SCOC: variants seen among roughly 807,000 people sequenced by gnomAD.
The protein encoded by SCOC is short coiled-coil protein.
SCOC carries 7 observed loss-of-function variants against 9.9 expected under a neutral mutation model. The ratio of observed to expected loss-of-function variants is 0.71; its 90% CI spans 0.40 to 1.33. SCOC has a LOEUF of 1.33. SCOC is among the 40% of genes most tolerant of loss of function. SCOC has a pLI of 0.01. For missense variants in SCOC, 66 were observed against 89.7 expected (o/e 0.74, Z 1.07); for synonymous variants, 19 against 28.2 (o/e 0.67, Z 1.03).
chr4:140,366,712 A>G, intron 2 of SCOC: 2 of 1,586,932 alleles, frequency 1.3e-6, no homozygotes, highest in African/African-American at 1.3e-5. Context: ...CTTGAAAGGC[A>G]TGGTCTGTCT....
chr4:140,311,350 C>G (rs989741400), intron 1 of SCOC, among the ~76,000 whole-genome samples: 10 of 152,278 alleles, frequency 6.6e-5, no homozygotes, highest in Admixed American at 1.3e-4. Context: ...TAATATTCAA[C>G]TACCAATGCT....
chr4:140,351,121 T>C (rs911783934), intron 2 of SCOC, among the ~76,000 whole-genome samples: 1 of 146,004 alleles, frequency 6.8e-6, no homozygotes, highest in African/African-American at 2.6e-5. Context: ...ACCCGGGAGG[T>C]AGAGGTTGCA....
At chr4:140,355,549 T>C (rs916298229) in intron 2 of SCOC, among the ~76,000 whole-genome samples, 4 of 152,106 alleles carry the variant, frequency 2.6e-5, no homozygotes, top group South Asian at 4.1e-4. Flanking sequence ...TTGAAATTAG[T>C]AGATAGATAG....
intron 1 of SCOC, chr4:140,284,971 TCTC>T (rs1277838387): frequency 3.9e-6 from 1 of 259,200 alleles, no homozygotes. Context: ...CAAATTTAAG[TCTC>T]CTATTCATTC....
Position 140,366,908 on chromosome 4 carries a change from T to C in SCOC, c.71-12213T>C, listed in dbSNP as rs902819701. On this transcript the variant is annotated intron_variant, in intron 2 of 4. Transcript: ENST00000338517. The stretch of plus-strand genomic sequence containing the variant: ...GAAGAAGGCCAGGTGCATTCTTTTA[T>C]AAAATATTAGTTATTGACCAGGCGT... 4.7e-6 allele frequency: 3 copies of C among 637,090 alleles called. No individual in the cohort carries two copies. In the South Asian group the frequency reaches 5.3e-5, roughly 11 times the overall value. 39.5% of individuals were successfully genotyped at this position (637,090 alleles called of 1,614,324 possible). A position where few individuals can be genotyped will look rare whatever the true frequency, so the allele number is the denominator to read the frequency against.
chr4:140,297,330 G>A (rs1221541344), intron 1 of SCOC, among the ~76,000 whole-genome samples: 1 of 151,978 alleles, frequency 6.6e-6, no homozygotes, highest in Non-Finnish European at 1.5e-5. Flanking sequence ...TTAGAGATGA[G>A]TCACACAAAG....
In SCOC at chr4:140,380,867, GTAT is replaced by G. The variant is rs1372864148; in HGVS notation, c.107-90_107-88del. On this transcript the variant is annotated intron_variant, in intron 3 of 3. Coordinates refer to ENST00000608372, the MANE Select transcript of SCOC (RefSeq NM_001153484.2). ...TCCGAATTCTTAAAATTTAAGGATT[GTAT>G]TATTTCTTTTAAGAATGAATCCTAA... The G allele has an allele frequency of 1.2e-5, 12 of 976,218 alleles. No homozygotes were observed. In the African/African-American group the frequency reaches 1.5e-4, roughly 12 times the overall value. The allele number at this position is 976,218 out of a possible 1,614,324, so 60.5% of individuals were successfully genotyped here. A position where few individuals can be genotyped will look rare whatever the true frequency, so the allele number is the denominator to read the frequency against.
At chr4:140,372,922 G>C (rs1259242697), upstream of SCOC, among the ~76,000 whole-genome samples, 10 of 152,212 alleles carry the variant, frequency 6.6e-5, no homozygotes, top group Non-Finnish European at 1.3e-4. Flanking sequence ...CAAGAAATGT[G>C]TTCACGCTCA....
chr4:140,343,691 C>A, exon 2 of SCOC: 1 of 1,613,244 alleles, frequency 6.2e-7, no homozygotes. Flanking sequence ...ACCAACATTT[C>A]TCTTGCAGAT....
intron 1 of SCOC, among the ~76,000 whole-genome samples, chr4:140,292,628 G>A (rs1731508560): frequency 6.6e-6 from 1 of 152,172 alleles, no homozygotes; most frequent in Admixed American, 6.5e-5. Flanking sequence ...TGGCCTGGAA[G>A]CCAGAATAAG....
chr4:140,320,371 G>A (rs930603143), intron 1 of SCOC, among the ~76,000 whole-genome samples: 4 of 152,120 alleles, frequency 2.6e-5, no homozygotes, highest in Admixed American at 1.3e-4. Flanking sequence ...AGCAGCCCTC[G>A]GGGCTGCTCT....
chr4:140,306,856 TC>T (rs1732005656), intron 1 of SCOC, among the ~76,000 whole-genome samples: 1 of 152,156 alleles, frequency 6.6e-6, no homozygotes, highest in South Asian at 2.1e-4. Context: ...GCAATGATTG[TC>T]TCCAGTAAAT....
intron 2 of SCOC, among the ~76,000 whole-genome samples, chr4:140,360,258 C>T (rs1727404668): frequency 6.6e-6 from 1 of 152,044 alleles, no homozygotes; most frequent in Non-Finnish European, 1.5e-5. Context: ...GATTTTGAAC[C>T]AATTTTGCCA....
rs1370569520 is a variant in SCOC, at chr4:140,373,682, C to T, written c.-86C>T. 3 of 1,550,466 alleles carry T rather than the reference C, an allele frequency of 1.9e-6. No homozygotes were observed. The highest frequency in any genetic ancestry group is 4.9e-5 in the East Asian group (2 of 40,878). ...CAAGTGTCCCGGCCTGAGGTGTCGGCCGGATCCCTCCTTCTCCCGGCGCCT... is the reference window on the plus strand; with the variant it reads ...CAAGTGTCCCGGCCTGAGGTGTCGGTCGGATCCCTCCTTCTCCCGGCGCCT... On this transcript the variant is annotated 5_prime_UTR_variant, in exon 1 of 4. Coordinates refer to ENST00000608372, the MANE Select transcript of SCOC (RefSeq NM_001153484.2).
chr4:140,302,450 G>A (rs1731839433), intron 1 of SCOC, among the ~76,000 whole-genome samples: 1 of 152,196 alleles, frequency 6.6e-6, no homozygotes, highest in South Asian at 2.1e-4. Context: ...TGAAGGAATT[G>A]AAGAAATGAT....
intron 1 of SCOC, among the ~76,000 whole-genome samples, chr4:140,276,244 C>T (rs1271432666): frequency 6.6e-6 from 1 of 152,082 alleles, no homozygotes; most frequent in African/African-American, 2.4e-5. Context: ...CCTCGTGATC[C>T]GCCCACCTCA....
At chr4:140,299,400 C>T (rs903485350) in intron 1 of SCOC, among the ~76,000 whole-genome samples, 3 of 152,092 alleles carry the variant, frequency 2.0e-5, no homozygotes, top group Non-Finnish European at 2.9e-5. Flanking sequence ...TCAGAATTAC[C>T]CTCACACTTT....
intron 1 of SCOC, chr4:140,257,486 G>A (rs1282726803): frequency 6.6e-6 from 1 of 152,158 alleles, no homozygotes; most frequent in Non-Finnish European, 1.5e-5. Flanking sequence ...GTATTTAAGG[G>A]GGAGGTTTGG....
chr4:140,291,721 T>C (rs1560686226), intron 1 of SCOC, among the ~76,000 whole-genome samples: 1 of 152,208 alleles, frequency 6.6e-6, no homozygotes. Flanking sequence ...AAGCCTTCAG[T>C]AGGCAACGGT....
Sources: allele counts gnomAD v4.1 joint callset (sites outside exome capture counted in the v4.1 genomes callset), GRCh38; gene constraint gnomAD v4.1.1; transcripts MANE v1.5; gene names NCBI Gene and HGNC (gene_info 2026-07-23, HGNC 2026-07-21).